Variants in CTXN3 observed in about 807,000 individuals in gnomAD.
CTXN3 encodes the protein cortexin-3.
A neutral mutation model predicts 5.0 loss-of-function variants in CTXN3; 4 were observed. The observed-to-expected ratio is 0.79, with a 90% confidence interval of 0.39 to 1.82. The LOEUF is 1.82. Among genes scored for constraint, CTXN3 ranks in the 40% most tolerant of loss-of-function variants. The pLI, the probability that CTXN3 is intolerant of heterozygous loss-of-function variation, is 0.04. For missense variants in CTXN3, 89 were observed against 99.7 expected, an observed-to-expected ratio of 0.89 and a Z score of 0.46; for synonymous variants, 48 against 38.6, an observed-to-expected ratio of 1.24 and a Z score of -0.91.
At chr5:127,656,202 A>G (rs1433545609) in intron 2 of CTXN3, among the ~76,000 whole-genome samples, 2 of 152,130 alleles carry the variant, frequency 1.3e-5, no homozygotes. Context: ...TTAATTTTCT[A>G]TATAGTAGTA....
Position 127,657,922 on chromosome 5 carries a change from A to G in CTXN3, c.*155A>G. 1.2e-6 allele frequency: 1 copy of G among 868,818 alleles called. No homozygotes were observed. Among genetic ancestry groups the G allele is most frequent in the Non-Finnish European group, 1.8e-6 (1 of 569,894 alleles). 53.8% of individuals were successfully genotyped at this position (868,818 alleles called of 1,614,324 possible). A position where few individuals can be genotyped will look rare whatever the true frequency, so the allele number is the denominator to read the frequency against. On this transcript the variant is annotated 3_prime_UTR_variant, in exon 3 of 3. Transcript: ENST00000379445. Reference sequence around the variant, plus strand: ...CCATAAATATGCAGTTGGGTTAAAGACATTTGAGGATGTTGGAAATGGACA... The same window carrying G: ...CCATAAATATGCAGTTGGGTTAAAGGCATTTGAGGATGTTGGAAATGGACA...
chr5:127,657,985 T>G lies in CTXN3; in HGVS notation c.*218T>G. ...ATCCAACATAAGAAGGTTTAAATTTTTATGTTTGCTCAATGAATGAGTACT... is the reference window on the plus strand; with the variant it reads ...ATCCAACATAAGAAGGTTTAAATTTGTATGTTTGCTCAATGAATGAGTACT... On this transcript the variant is annotated 3_prime_UTR_variant, in exon 3 of 3. Coordinates refer to ENST00000379445, the MANE Select transcript of CTXN3 (RefSeq NM_001048252.3). The G allele has an allele frequency of 3.6e-6, 2 of 558,508 alleles. No individual in the cohort carries two copies. Among genetic ancestry groups the G allele is most frequent in the Non-Finnish European group, 6.5e-6 (2 of 309,786 alleles). The allele number at this position is 558,508 out of a possible 1,614,324, so 34.6% of individuals were successfully genotyped here. A position where few individuals can be genotyped will look rare whatever the true frequency, so the allele number is the denominator to read the frequency against.
intron 2 of CTXN3, among the ~76,000 whole-genome samples, chr5:127,654,944 G>A (rs1460191415): frequency 1.3e-5 from 2 of 151,928 alleles, no homozygotes; most frequent in African/African-American, 4.8e-5. Flanking sequence ...TTTCCTTTTT[G>A]GATTATATGG....
chr5:127,651,516 T>C (rs1301950673), intron 1 of CTXN3, among the ~76,000 whole-genome samples: 1 of 152,178 alleles, frequency 6.6e-6, no homozygotes, highest in Non-Finnish European at 1.5e-5. Context: ...ACGATTTTTA[T>C]AATTCTGGGC....
rs541608722 is a variant in CTXN3 at position 127,658,016 on chromosome 5, A to G, written c.*249A>G. On this transcript the variant is annotated 3_prime_UTR_variant, in exon 3 of 3. Coordinates refer to ENST00000379445, the MANE Select transcript of CTXN3 (RefSeq NM_001048252.3). ...TTGCTCAATGAATGAGTACTCTTAA[A>G]ATTGTGTGATTGTGAAACCAAGAGC... 2.1e-6 allele frequency: 1 copy of G among 470,824 alleles called. No individual in the cohort carries two copies. The highest frequency in any genetic ancestry group is 4.0e-6 in the Non-Finnish European group (1 of 252,834). The allele number at this position is 470,824 out of a possible 1,614,324, so 29.2% of individuals were successfully genotyped here. A position where few individuals can be genotyped will look rare whatever the true frequency, so the allele number is the denominator to read the frequency against.
chr5:127,649,874 C>T (rs138637789), intron 1 of CTXN3, among the ~76,000 whole-genome samples: 4 of 152,124 alleles, frequency 2.6e-5, no homozygotes, highest in East Asian at 3.9e-4. Context: ...AGCAAGTAGC[C>T]GTTTTCACTA....
chr5:127,652,168 T>C (rs1749798957), intron 1 of CTXN3: 2 of 152,164 alleles, frequency 1.3e-5, no homozygotes. Flanking sequence ...CCAAATAACT[T>C]ATGGCTCTTC....
Position 127,657,695 on chromosome 5 carries a change from C to T in CTXN3, c.174C>T (p.Ser58=). The part of the protein sequence containing the change: ...CFRILLDPYR[S]MPTSTWADGL... ...GGATTCTTTTGGATCCATATCGAAG[C>T]ATGCCAACCTCTACCTGGGCTGATG... The change falls in exon 3 of 3, where the codon AGC becomes AGT. Residue 58 remains serine (S), a synonymous_variant. Transcript: ENST00000379445. The T allele has an allele frequency of 6.2e-7, 1 of 1,614,180 alleles. No homozygotes were observed. Among genetic ancestry groups the T allele is most frequent in the East Asian group, 2.2e-5 (1 of 44,884 alleles).
At chr5:127,649,679 A>G (rs1749743346) in intron 1 of CTXN3, among the ~76,000 whole-genome samples, 1 of 151,922 alleles carries the variant, frequency 6.6e-6, no homozygotes, top group Non-Finnish European at 1.5e-5. Flanking sequence ...GCAGTAATTT[A>G]TTTCTGAAAG....
rs1418279960 is a variant in CTXN3, at chr5:127,658,323, G to A, written c.*556G>A. 1.8e-5 allele frequency: 3 copies of A among 167,730 alleles called. No individual in the cohort carries two copies. Among genetic ancestry groups the A allele is most frequent in the Admixed American group, 6.5e-5 (1 of 15,384 alleles). 10.4% of individuals were successfully genotyped at this position (167,730 alleles called of 1,614,324 possible). ...GCTTAAAAGAGATGATTCTGTCCTT[G>A]GTAAATGTGAGTGAGAATAGCGTTT... On this transcript the variant is annotated 3_prime_UTR_variant, in exon 3 of 3. Transcript: ENST00000379445.
At chr5:127,650,041 C>A (rs1749751852) in intron 1 of CTXN3, among the ~76,000 whole-genome samples, 1 of 152,094 alleles carries the variant, frequency 6.6e-6, no homozygotes, top group African/African-American at 2.4e-5. Context: ...TAGGCAGTAG[C>A]CTTGCCCTGC....
At chr5:127,651,261 C>A (rs1376289612) in intron 1 of CTXN3, among the ~76,000 whole-genome samples, 2 of 152,144 alleles carry the variant, frequency 1.3e-5, no homozygotes, top group African/African-American at 4.8e-5. Flanking sequence ...TGTTTTGACA[C>A]CTACTTTTGA....
chr5:127,655,931 A>T (rs1749897949), intron 2 of CTXN3, among the ~76,000 whole-genome samples: 1 of 152,152 alleles, frequency 6.6e-6, no homozygotes, highest in Admixed American at 6.5e-5. Flanking sequence ...CCCCTTATAA[A>T]TTGTTTTTTA....
At chr5:127,656,144 ACTGTG>A (rs1361114291) in intron 2 of CTXN3, among the ~76,000 whole-genome samples, 2 of 152,160 alleles carry the variant, frequency 1.3e-5, no homozygotes, top group African/African-American at 4.8e-5. Context: ...GTAGCTAATT[ACTGTG>A]CTTTGTAATT....
At chr5:127,651,169 C>A (rs1053945276) in intron 1 of CTXN3, among the ~76,000 whole-genome samples, 50 of 152,122 alleles carry the variant, frequency 3.3e-4, no homozygotes, top group African/African-American at 1.2e-3. Flanking sequence ...GATAGTATAT[C>A]TTTGCAGGAT....
chr5:127,655,763 C>T (rs1373915906), intron 2 of CTXN3, among the ~76,000 whole-genome samples: 2 of 152,006 alleles, frequency 1.3e-5, no homozygotes, highest in African/African-American at 2.4e-5. Flanking sequence ...TTTTAAAATG[C>T]GGTCAAATTT....
At chr5:127,649,994 A>C (rs990445380) in intron 1 of CTXN3, among the ~76,000 whole-genome samples, 1 of 152,120 alleles carries the variant, frequency 6.6e-6, no homozygotes, top group Admixed American at 6.6e-5. Context: ...CCGATTCCTG[A>C]CTAGGCACCC....
chr5:127,655,609 T>A (rs1170264951), intron 2 of CTXN3, among the ~76,000 whole-genome samples: 1 of 152,226 alleles, frequency 6.6e-6, no homozygotes, highest in South Asian at 2.1e-4. Flanking sequence ...GAGACCTGCA[T>A]TGGAGGCTCT....
At chr5:127,655,583 G>C (rs1318225647) in intron 2 of CTXN3, among the ~76,000 whole-genome samples, 1 of 152,136 alleles carries the variant, frequency 6.6e-6, no homozygotes, top group Non-Finnish European at 1.5e-5. Context: ...AGATGGCCCT[G>C]GTCTGATGTG....
Sources: gnomAD v4.1 joint callset for allele counts (sites outside exome capture counted in the v4.1 genomes callset) on GRCh38, gnomAD v4.1.1 for gene constraint, MANE v1.5 for transcripts, NCBI Gene and HGNC (gene_info 2026-07-23, HGNC 2026-07-21) for gene names.